Variants in SMAD9 observed in about 807,000 individuals in gnomAD.
SMAD9 encodes the protein MAD homolog 9.
SMAD9 carries 36 observed loss-of-function variants against 46.1 expected under a neutral mutation model. That is an observed-to-expected ratio of 0.78 (90% confidence interval 0.60 to 1.03). The LOEUF is 1.03. Among genes scored for constraint, SMAD9 ranks in the 50% least tolerant of loss-of-function variants. The probability of loss-of-function intolerance (pLI) is 0.00; values close to 1 mark genes in which losing one functional copy is unlikely to be tolerated. For synonymous variants in SMAD9, 245 were observed against 237.1 expected (o/e 1.03, Z -0.31); for missense variants, 572 against 599.8 (o/e 0.95, Z 0.48).
At chr13:36,905,483 C>T (rs1380740876) in intron 1 of SMAD9, among the ~76,000 whole-genome samples, 4 of 152,042 alleles carry the variant, frequency 2.6e-5, no homozygotes, top group Non-Finnish European at 4.4e-5. Context: ...CGGCCAGACA[C>T]GGTGGCTCAC....
At chr13:36,857,131 A>AT in intron 5 of SMAD9, among the ~76,000 whole-genome samples, 1 of 152,106 alleles carries the variant, frequency 6.6e-6, no homozygotes, top group African/African-American at 2.4e-5. Flanking sequence ...ACGGTACAGG[A>AT]AAAGCATGAA....
At chr13:36,863,114 C>A (rs555716609) in intron 5 of SMAD9, among the ~76,000 whole-genome samples, 70 of 152,270 alleles carry the variant, frequency 4.6e-4, no homozygotes, top group African/African-American at 1.6e-3. Context: ...ATGCATTTTG[C>A]AGATAACTTA....
At chr13:36,919,221 G>C (rs1431445609) in intron 1 of SMAD9, among the ~76,000 whole-genome samples, 1 of 152,202 alleles carries the variant, frequency 6.6e-6, no homozygotes, top group East Asian at 1.9e-4. Context: ...GGCAGGAGGA[G>C]GAAGGAATAG....
intron 1 of SMAD9, among the ~76,000 whole-genome samples, chr13:36,918,171 T>C (rs898694976): frequency 2.0e-5 from 3 of 152,222 alleles, no homozygotes; most frequent in Non-Finnish European, 4.4e-5. Flanking sequence ...AAAAATTTTT[T>C]AAAGGAGAAA....
chr13:36,903,692 A>G (rs1004169829), intron 1 of SMAD9, among the ~76,000 whole-genome samples: 2 of 152,226 alleles, frequency 1.3e-5, no homozygotes, highest in African/African-American at 4.8e-5. Flanking sequence ...ATTCTTCTAG[A>G]TAAGTTAATT....
chr13:36,902,720 T>G (rs776779090), intron 1 of SMAD9, among the ~76,000 whole-genome samples: 1 of 152,158 alleles, frequency 6.6e-6, no homozygotes, highest in Non-Finnish European at 1.5e-5. Flanking sequence ...CCTCCCAAAG[T>G]GTTGGGATTA....
chr13:36,914,940 G>A (rs1189455514), intron 1 of SMAD9, among the ~76,000 whole-genome samples: 1 of 152,168 alleles, frequency 6.6e-6, no homozygotes, highest in East Asian at 1.9e-4. Context: ...CAATTATTGC[G>A]TTTTGTGAAA....
At position 36,873,732 on chromosome 13, in the gene SMAD9, G is replaced by A. The variant is rs529617925; in HGVS notation, c.413-817C>T. On this transcript the variant is annotated intron_variant, in intron 2 of 6. Transcript: ENST00000379826. ...ACAACAATTAGCCGGGTGTGGTGGC[G>A]GGCACCTGTAATCCCAGCTATTCAG... is the stretch of plus-strand genomic sequence containing the variant. Among the ~76,000 whole-genome samples, 95 of 152,062 alleles carry A rather than the reference G, an allele frequency of 6.2e-4. 1 individual carries two copies. The highest frequency in any genetic ancestry group is 1.8e-3 in the African/African-American group (75 of 41,482).
chr13:36,920,039 C>G (rs1427976529), intron 1 of SMAD9, 77 bp downstream of exon 1: 2 of 151,112 alleles, frequency 1.3e-5, no homozygotes, highest in Non-Finnish European at 3.0e-5. Flanking sequence ...TCATCCCTCC[C>G]CCACCCAGGT....
At chr13:36,913,127 T>C (rs1312771523) in intron 1 of SMAD9, among the ~76,000 whole-genome samples, 2 of 152,222 alleles carry the variant, frequency 1.3e-5, no homozygotes, top group African/African-American at 2.4e-5. Flanking sequence ...TATTTTTCAT[T>C]TGTGGTTGGT....
chr13:36,911,811 C>A (rs867160379), intron 1 of SMAD9, among the ~76,000 whole-genome samples: 1 of 152,156 alleles, frequency 6.6e-6, no homozygotes, highest in African/African-American at 2.4e-5. Context: ...TGGGTTCAAG[C>A]GATTCTCCTG....
chr13:36,876,707 A>C (rs2058348607), intron 2 of SMAD9, among the ~76,000 whole-genome samples: 2 of 152,350 alleles, frequency 1.3e-5, no homozygotes, highest in South Asian at 4.1e-4. Flanking sequence ...TGTGTGAATG[A>C]AAAGAAAATG....
intron 5 of SMAD9, among the ~76,000 whole-genome samples, chr13:36,858,632 G>A (rs1176264103): frequency 2.0e-5 from 3 of 152,104 alleles, no homozygotes; most frequent in African/African-American, 7.2e-5. Flanking sequence ...CACTGCTGCT[G>A]CCTTCCAGAG....
chr13:36,877,373 A>G (rs1437911197), intron 2 of SMAD9, among the ~76,000 whole-genome samples: 1 of 152,156 alleles, frequency 6.6e-6, no homozygotes, highest in African/African-American at 2.4e-5. Flanking sequence ...AAGACATGAA[A>G]AACTAAAATG....
intron 1 of SMAD9, among the ~76,000 whole-genome samples, chr13:36,886,048 A>G (rs139978317): frequency 6.6e-6 from 1 of 152,292 alleles, no homozygotes; most frequent in Non-Finnish European, 1.5e-5. Context: ...GCCAACGCAT[A>G]TTGACTATCT....
intron 3 of SMAD9, among the ~76,000 whole-genome samples, chr13:36,868,364 T>G (rs938666754): frequency 2.0e-5 from 3 of 152,262 alleles, no homozygotes; most frequent in Admixed American, 6.5e-5. Context: ...AAATGGACTA[T>G]GACTCCTATG....
At position 36,855,270 on chromosome 13, in the gene SMAD9, A is replaced by G. The variant is rs1396175528; in HGVS notation, c.1004-1595T>C. ...CCATCTCAAAAAAAAAAAAAAAAAA[A>G]AAAAAGAAAAGCATCCTGAGAATGT... On this transcript the variant is annotated intron_variant, in intron 5 of 6. Transcript: ENST00000379826. 5.3e-5 allele frequency among the ~76,000 whole-genome samples: 8 copies of G among 151,642 alleles called. No homozygotes were observed. In the East Asian group the frequency reaches 5.8e-4, roughly 11 times the overall value.
chr13:36,887,122 A>C (rs1593599353), intron 1 of SMAD9, among the ~76,000 whole-genome samples: 1 of 133,128 alleles, frequency 7.5e-6, no homozygotes, highest in Middle Eastern at 5.3e-3. Context: ...TTCCTGCCTC[A>C]GCCTCTCAAA....
intron 5 of SMAD9, among the ~76,000 whole-genome samples, chr13:36,858,735 C>T (rs1243689147): frequency 6.6e-6 from 1 of 152,214 alleles, no homozygotes; most frequent in Non-Finnish European, 1.5e-5. Context: ...GAAAAATCAG[C>T]CACAAATCCA....
Sources: allele counts gnomAD v4.1 joint callset (sites outside exome capture counted in the v4.1 genomes callset), GRCh38; gene constraint gnomAD v4.1.1; transcripts MANE v1.5; gene names NCBI Gene and HGNC (gene_info 2026-07-23, HGNC 2026-07-21).